Variants in MYO1D observed in about 807,000 individuals in gnomAD.
The protein encoded by MYO1D is myosin ID.
Under a neutral mutation model 122.0 loss-of-function variants are expected in MYO1D, and 83 were observed. The observed-to-expected ratio is 0.68, with a 90% CI of 0.57 to 0.82. The LOEUF (loss-of-function observed/expected upper bound fraction) is 0.82. Ranked by LOEUF, MYO1D falls within the 40% of genes least tolerant of loss-of-function variation. The pLI is 0.00. For synonymous variants in MYO1D, 464 were observed against 446.9 expected (o/e 1.04, Z -0.48); for missense variants, 1,157 against 1,269.5 (o/e 0.91, Z 1.35).
intron 21 of MYO1D, among the ~76,000 whole-genome samples, chr17:32,560,708 C>T (rs1449263277): frequency 6.6e-6 from 1 of 151,058 alleles, no homozygotes; most frequent in Admixed American, 6.6e-5. Flanking sequence ...CAACCTCCGC[C>T]TCTCGGGTTC....
Position 32,764,838 on chromosome 17 carries a change from C to T in MYO1D, c.1035+40G>A, listed in dbSNP as rs769190466. The T allele has an allele frequency of 4.4e-6, 7 of 1,598,842 alleles. No homozygotes were observed. In the East Asian group the frequency reaches 6.7e-5, roughly 15 times the overall value. On this transcript the variant is annotated intron_variant, in intron 8 of 21. Transcript: ENST00000318217. ...CAGGATTTCACTCAATTTGCAACTGCGATCAACACCAGGTGACATAGGGTC... is the reference window on the plus strand; with the variant it reads ...CAGGATTTCACTCAATTTGCAACTGTGATCAACACCAGGTGACATAGGGTC...
intron 1 of MYO1D, among the ~76,000 whole-genome samples, chr17:32,866,105 C>T (rs1166586980): frequency 1.3e-5 from 2 of 152,098 alleles, no homozygotes; most frequent in African/African-American, 2.4e-5. Context: ...TAGTGTCAAA[C>T]CCATAGGCTT....
At chr17:32,723,234 C>T (rs1443859527) in intron 14 of MYO1D, among the ~76,000 whole-genome samples, 1 of 152,038 alleles carries the variant, frequency 6.6e-6, no homozygotes, top group Non-Finnish European at 1.5e-5. Context: ...AATTTATACC[C>T]AAGTTATATA....
chr17:32,677,384 T>G (rs1360146288), intron 16 of MYO1D, among the ~76,000 whole-genome samples: 1 of 152,082 alleles, frequency 6.6e-6, no homozygotes, highest in Non-Finnish European at 1.5e-5. Flanking sequence ...AGCTCTGGAT[T>G]CTTTGAAATA....
chr17:32,551,626 G>A (rs577181939), intron 21 of MYO1D, among the ~76,000 whole-genome samples: 8 of 151,686 alleles, frequency 5.3e-5, no homozygotes, highest in Admixed American at 1.3e-4. Flanking sequence ...TTTTCCCTTC[G>A]GGAGTCTCAC....
At chr17:32,702,524 C>G (rs2089260584) in intron 16 of MYO1D, among the ~76,000 whole-genome samples, 1 of 151,518 alleles carries the variant, frequency 6.6e-6, no homozygotes, top group African/African-American at 2.4e-5. Context: ...ATCTTTTTCT[C>G]TTTCACGTCT....
At chr17:32,819,022 A>G (rs1427879892) in intron 1 of MYO1D, among the ~76,000 whole-genome samples, 1 of 152,212 alleles carries the variant, frequency 6.6e-6, no homozygotes, top group African/African-American at 2.4e-5. Flanking sequence ...ATGCCTGGAA[A>G]GTGTTCTATC....
At chr17:32,750,367 A>G (rs1171424101) in intron 11 of MYO1D, among the ~76,000 whole-genome samples, 1 of 152,018 alleles carries the variant, frequency 6.6e-6, no homozygotes, top group Non-Finnish European at 1.5e-5. Context: ...TAATCCCAGC[A>G]CTTTGGGAAG....
chr17:32,683,596 A>AC (rs1459022672), intron 16 of MYO1D, among the ~76,000 whole-genome samples: 4 of 151,978 alleles, frequency 2.6e-5, no homozygotes, highest in Admixed American at 1.3e-4. Context: ...TTGAGGAGGC[A>AC]GTCTGCCGGT....
chr17:32,544,721 C>T (rs2086950426), intron 21 of MYO1D, among the ~76,000 whole-genome samples: 1 of 152,124 alleles, frequency 6.6e-6, no homozygotes, highest in African/African-American at 2.4e-5. Flanking sequence ...GTGTTCTTTG[C>T]AAGTATCACA....
intron 21 of MYO1D, among the ~76,000 whole-genome samples, chr17:32,583,401 G>C (rs1365455457): frequency 1.3e-5 from 2 of 152,008 alleles, no homozygotes; most frequent in African/African-American, 4.8e-5. Flanking sequence ...TTGGATCTAA[G>C]GGTTTATATA....
chr17:32,614,736 T>C (rs1454350353), intron 20 of MYO1D, among the ~76,000 whole-genome samples: 1 of 152,216 alleles, frequency 6.6e-6, no homozygotes, highest in African/African-American at 2.4e-5. Flanking sequence ...AGTTTATCCC[T>C]TTATAAGCAA....
intron 1 of MYO1D, among the ~76,000 whole-genome samples, chr17:32,867,186 T>G (rs1432967330): frequency 1.3e-5 from 2 of 151,158 alleles, no homozygotes; most frequent in East Asian, 3.9e-4. Context: ...ATGAGCTGGA[T>G]GTGGTGGCAG....
At chr17:32,496,450 T>A (rs1463549707) in intron 21 of MYO1D, among the ~76,000 whole-genome samples, 7 of 152,252 alleles carry the variant, frequency 4.6e-5, no homozygotes, top group Admixed American at 3.3e-4. Context: ...CAGCTATTTT[T>A]AACCAGACTT....
At chr17:32,540,428 A>G (rs938882691) in intron 21 of MYO1D, among the ~76,000 whole-genome samples, 1 of 152,058 alleles carries the variant, frequency 6.6e-6, no homozygotes, top group Admixed American at 6.5e-5. Context: ...TCTAGACTAC[A>G]TAAAGAACTC....
chr17:32,611,659 T>C (rs2087704073), intron 20 of MYO1D, among the ~76,000 whole-genome samples: 1 of 152,116 alleles, frequency 6.6e-6, no homozygotes, highest in South Asian at 2.1e-4. Context: ...GCCAACACGG[T>C]GAAACCCCGT....
At chr17:32,693,335 G>A (rs1313007462) in intron 16 of MYO1D, among the ~76,000 whole-genome samples, 2 of 149,756 alleles carry the variant, frequency 1.3e-5, no homozygotes, top group Non-Finnish European at 3.0e-5. Flanking sequence ...GTTGGGTTAT[G>A]AGTGACAAGT....
intron 1 of MYO1D, among the ~76,000 whole-genome samples, chr17:32,785,693 C>T (rs1237802203): frequency 1.3e-5 from 2 of 152,198 alleles, no homozygotes; most frequent in Non-Finnish European, 2.9e-5. Flanking sequence ...ATTTCCTCAA[C>T]ACACTCTTCT....
intron 1 of MYO1D, among the ~76,000 whole-genome samples, chr17:32,875,480 C>G (rs2151096369): frequency 6.6e-6 from 1 of 152,320 alleles, no homozygotes; most frequent in South Asian, 2.1e-4. Flanking sequence ...GGTTAAGTAA[C>G]TTGCTCAAAG....
Sources: allele counts gnomAD v4.1 joint callset (sites outside exome capture counted in the v4.1 genomes callset), GRCh38; gene constraint gnomAD v4.1.1; transcripts MANE v1.5; gene names NCBI Gene and HGNC (gene_info 2026-07-23, HGNC 2026-07-21).